SPATA20: variants seen among roughly 807,000 people sequenced by gnomAD.
SPATA20 encodes the protein spermatogenesis-associated protein 20.
In SPATA20, 74 loss-of-function variants were observed where a neutral mutation model predicts 98.9. That is an observed-to-expected ratio of 0.75 (90% CI 0.62 to 0.91). SPATA20 has a LOEUF of 0.91. Ranked by LOEUF, SPATA20 falls within the 40% of genes least tolerant of loss-of-function variation. The probability of loss-of-function intolerance (pLI) is 0.00; values close to 1 mark genes in which losing one functional copy is unlikely to be tolerated. For missense variants in SPATA20, 1,016 were observed against 1,069.8 expected (o/e 0.95, Z 0.70); for synonymous variants, 430 against 440.5 (o/e 0.98, Z 0.30).
chr17:50,549,445 G>A lies in SPATA20; in HGVS notation c.820G>A (p.Glu274Lys), dbSNP rs748919500. ...GCAGCTGGATGAGGGCTATGATGAGGAATACGGTGGCTTCGCTGAGGCCCC... is the reference window on the plus strand; with the variant it reads ...GCAGCTGGATGAGGGCTATGATGAGAAATACGGTGGCTTCGCTGAGGCCCC... The part of the protein sequence containing the change: ...FQQLDEGYDE[E>K]YGGFAEAPKF... The change falls in exon 7 of 17, where the codon GAA becomes AAA. Residue 274 changes from glutamate (E) to lysine (K), a missense_variant. Physicochemically the swap from Glu to Lys is moderately conservative, Grantham distance 56. Transcript: ENST00000006658. The A allele has an allele frequency of 1.7e-5, 27 of 1,612,430 alleles. No individual in the cohort carries two copies. In the South Asian group the frequency reaches 3.0e-4, roughly 18 times the overall value.
rs937059671 is a variant in SPATA20, at chr17:50,554,125, G to T, written c.1958-126G>T. 28 of 790,744 alleles carry T rather than the reference G, an allele frequency of 3.5e-5. No individual in the cohort carries two copies. The Admixed American group carries it at 5.2e-4, about 15-fold the overall frequency. 49.0% of individuals were successfully genotyped at this position (790,744 alleles called of 1,614,324 possible). A position where few individuals can be genotyped will look rare whatever the true frequency, so the allele number is the denominator to read the frequency against. On this transcript the variant is annotated intron_variant, in intron 14 of 16. Transcript: ENST00000006658. ...GGCATCCACACCCAGAGCGGGGAAG[G>T]GGCAGGATGGGCAGGGCCTTTTCTC...
At chr17:50,555,438 GGGCAGGTGACCCCACCCC>G (rs1293759543) in intron 16 of SPATA20, 36 bp from the exon 17 acceptor site, 1 of 1,607,796 alleles carries the variant, frequency 6.2e-7, no homozygotes, top group Admixed American at 1.7e-5. Context: ...CCTTTCTAAT[GGGCAGGTGACCCCACCCC>G]GGCAGGTGAC....
rs2035021830 is a variant in SPATA20 at position 50,551,876 on chromosome 17, G to A, written c.1746-93G>A. 4 of 1,298,062 alleles carry A rather than the reference G, an allele frequency of 3.1e-6. No homozygotes were observed. The East Asian group carries it at 7.6e-5, about 25-fold the overall frequency. 80.4% of individuals were successfully genotyped at this position (1,298,062 alleles called of 1,614,324 possible). A position where few individuals can be genotyped will look rare whatever the true frequency, so the allele number is the denominator to read the frequency against. On this transcript the variant is annotated intron_variant, in intron 13 of 16. Transcript: ENST00000006658. ...CTGCCCAAGAGGGTTCATCTGGAGG[G>A]TTAAGTGAACAAATGCGTGAAAGGG...
chr17:50,549,530 G>A, intron 7 of SPATA20, 43 bp downstream of exon 7: 1 of 1,579,480 alleles, frequency 6.3e-7, no homozygotes, highest in Non-Finnish European at 8.6e-7. Flanking sequence ...TTGGCCTTCT[G>A]ATTCCTATGC....
Position 50,555,690 on chromosome 17 carries a change from G to A in SPATA20, c.*28G>A. The stretch of plus-strand genomic sequence containing the variant: ...GCCCCAACCCCCTTGGGGTGGGGCA[G>A]AAGGTGAAGCATCCCAACTGACTAG... On this transcript the variant is annotated 3_prime_UTR_variant, in exon 17 of 17. Transcript: ENST00000006658. 6.3e-7 allele frequency: 1 copy of A among 1,598,174 alleles called. No homozygotes were observed. The highest frequency in any genetic ancestry group is 1.4e-5 in the African/African-American group (1 of 73,978).
In SPATA20 at chr17:50,554,398, C is replaced by T. The variant is rs1482249814; in HGVS notation, c.2105C>T (p.Ala702Val). The change falls in exon 15 of 17, where the codon GCG becomes GTG. Residue 702 changes from alanine to valine, a missense_variant. Ala to Val is a moderately conservative substitution (Grantham distance 64). Coordinates refer to ENST00000006658, the MANE Select transcript of SPATA20 (RefSeq NM_022827.4). ...FSERMRRVPV[A>V]LPEMVRALSA... ...GAGCGCATGCGTCGTGTCCCGGTGG[C>T]GTTGCCCGAGATGGTCCGCGCCCTC... 5.0e-6 allele frequency: 8 copies of T among 1,613,636 alleles called. No individual in the cohort carries two copies. Among genetic ancestry groups the T allele is most frequent in the East Asian group, 2.2e-5 (1 of 44,882 alleles).
In SPATA20 at chr17:50,551,004, A is replaced by C; in HGVS notation, c.1390A>C (p.Lys464Gln). The change falls in exon 12 of 17, where the codon AAG (lysine) becomes CAG (glutamine). Residue 464 changes from lysine to glutamine, a missense_variant. Lys to Gln is a moderately conservative substitution (Grantham distance 53). Coordinates refer to ENST00000006658, the MANE Select transcript of SPATA20 (RefSeq NM_022827.4). ...CAAAGGCCATTCTCCTCAGGACCCC[A>C]AGGGGGAGCTGCAGGGCCAGAATGT... ...AGNISPSQDP[K>Q]GELQGQNVLT... 6.2e-7 allele frequency: 1 copy of C among 1,613,240 alleles called. No individual in the cohort carries two copies. Among genetic ancestry groups the C allele is most frequent in the Non-Finnish European group, 8.5e-7 (1 of 1,179,942 alleles).
In SPATA20 at chr17:50,549,433, G is replaced by A. The variant is rs2034974346; in HGVS notation, c.808G>A (p.Gly270Ser). 2 of 1,612,702 alleles carry A rather than the reference G, an allele frequency of 1.2e-6. No homozygotes were observed. Among genetic ancestry groups the A allele is most frequent in the Non-Finnish European group, 1.7e-6 (2 of 1,180,006 alleles). ...TCGCTGCTTCCAGCAGCTGGATGAG[G>A]GCTATGATGAGGAATACGGTGGCTT... is the stretch of plus-strand genomic sequence containing the variant. ...NNRCFQQLDE[G>S]YDEEYGGFAE... Residue 270 changes from glycine (G) to serine (S), a missense_variant, in exon 7 of 17, where the codon GGC becomes AGC. By Grantham distance (56) the Gly-to-Ser change is moderately conservative (BLOSUM62 0). Coordinates refer to ENST00000006658, the MANE Select transcript of SPATA20 (RefSeq NM_022827.4).
intron 15 of SPATA20, among the ~76,000 whole-genome samples, chr17:50,555,021 T>C (rs771907213): frequency 1.3e-5 from 2 of 151,996 alleles, no homozygotes; most frequent in African/African-American, 4.8e-5. Flanking sequence ...ATTGTGTATA[T>C]GTATGACATT....
chr17:50,554,885 CTGTG>C (rs3062812), intron 15 of SPATA20, among the ~76,000 whole-genome samples: 6,937 of 141,260 alleles, frequency 0.049, 175 homozygotes, highest in Non-Finnish European at 0.066. Context: ...TGGGCATCTA[CTGTG>C]TGTGTGTGTG....
At position 50,548,901 on chromosome 17, in the gene SPATA20, G is replaced by A; in HGVS notation, c.453G>A (p.Val151=). 3 of 1,614,194 alleles carry A rather than the reference G, an allele frequency of 1.9e-6. No individual in the cohort carries two copies. Among genetic ancestry groups the A allele is most frequent in the Non-Finnish European group, 2.5e-6 (3 of 1,180,020 alleles). The stretch of plus-strand genomic sequence containing the variant: ...GCCGCCTGCTCAGTGAGGACTTTGT[G>A]AGTGTGAAGGTAGACCGTGAGGAGC... ...EIGRLLSEDF[V]SVKVDREERP... is the part of the protein sequence containing the mutation. The change falls in exon 5 of 17, where the codon GTG becomes GTA. Residue 151 remains valine (V), a synonymous_variant. Coordinates refer to ENST00000006658, the MANE Select transcript of SPATA20 (RefSeq NM_022827.4).
At position 50,552,009 on chromosome 17, in the gene SPATA20, G is replaced by A. The variant is rs142268700; in HGVS notation, c.1786G>A (p.Val596Met). The change falls in exon 14 of 17, where the codon GTG becomes ATG. Residue 596 changes from valine to methionine, a missense_variant. Val to Met is a conservative substitution (Grantham distance 21). Transcript: ENST00000006658. ...GGGCTTCCTGGAGGACTACGCCTTC[G>A]TGGTGCGGGGCCTGCTGGACCTGTA... ...CWGFLEDYAFVVRGLLDLYEA... is the reference protein window; with the variant it reads ...CWGFLEDYAFMVRGLLDLYEA... 9.7e-4 allele frequency: 1,560 copies of A among 1,612,556 alleles called. 11 individuals are homozygous for A. The East Asian group carries it at 0.018, about 19-fold the overall frequency.
chr17:50,551,280 C>T, intron 12 of SPATA20, 90 bp downstream of exon 12: 5 of 1,290,424 alleles, frequency 3.9e-6, no homozygotes, highest in Non-Finnish European at 5.3e-6. Context: ...TGCTCACTCT[C>T]CCTTGATTAG....
rs1236034652 is a variant in SPATA20, at chr17:50,555,778, T to G, written c.*116T>G. 1.1e-6 allele frequency: 1 copy of G among 905,236 alleles called. No homozygotes were observed. Among genetic ancestry groups the G allele is most frequent in the Non-Finnish European group, 1.6e-6 (1 of 609,908 alleles). 56.1% of individuals were successfully genotyped at this position (905,236 alleles called of 1,614,324 possible). ...CATCCCTGAGCACCCTGCCACCAGG[T>G]GACCTCGGCCATACTCACTGCCCCC... On this transcript the variant is annotated 3_prime_UTR_variant, in exon 17 of 17. Coordinates refer to ENST00000006658, the MANE Select transcript of SPATA20 (RefSeq NM_022827.4).
At chr17:50,555,142 G>A in intron 15 of SPATA20, 90 bp from the exon 16 acceptor site, 2 of 992,718 alleles carry the variant, frequency 2.0e-6, no homozygotes, top group Non-Finnish European at 3.2e-6. Flanking sequence ...GATATACGGT[G>A]GGGCGGAAGG....
rs1030558338 is a variant in SPATA20 at position 50,551,448 on chromosome 17, G to T, written c.1577-63G>T. ...GGAGGTGTTGGGGCCTAAGGTGATA[G>T]GGTGGACATGCCTGGAGGGTCCTGG... On this transcript the variant is annotated intron_variant, in intron 12 of 16. Transcript: ENST00000006658. The T allele has an allele frequency of 4.6e-6, 7 of 1,528,740 alleles. No homozygotes were observed. In the African/African-American group the frequency reaches 9.5e-5, roughly 21 times the overall value. 94.7% of individuals were successfully genotyped at this position (1,528,740 alleles called of 1,614,324 possible). A position where few individuals can be genotyped will look rare whatever the true frequency, so the allele number is the denominator to read the frequency against.
At chr17:50,553,124 T>C (rs963643481) in intron 14 of SPATA20, among the ~76,000 whole-genome samples, 4 of 152,230 alleles carry the variant, frequency 2.6e-5, no homozygotes, top group Non-Finnish European at 5.9e-5. Flanking sequence ...GCTCTATGTG[T>C]GCCTGCTCCC....
Position 50,555,624 on chromosome 17 carries a change from A to C in SPATA20, c.2371A>C (p.Thr791Pro). Residue 791 changes from threonine to proline, a missense_variant, in exon 17 of 17, where the codon ACT (threonine) becomes CCT (proline). Physicochemically the swap from Thr to Pro is conservative, Grantham distance 38. Coordinates refer to ENST00000006658, the MANE Select transcript of SPATA20 (RefSeq NM_022827.4). ...GAATCAAGCCTGCTCAGTGCCCATC[A>C]CTGATCCCTGCGAATTACGAAAACT... ...CENQACSVPI[T>P]DPCELRKLLH... is the part of the protein sequence containing the mutation. 1 of 1,613,938 alleles carries C rather than the reference A, an allele frequency of 6.2e-7. No homozygotes were observed. Among genetic ancestry groups the C allele is most frequent in the Non-Finnish European group, 8.5e-7 (1 of 1,179,930 alleles).
rs770970653 is a variant in SPATA20, at chr17:50,548,295, C to G, written c.138C>G (p.Ser46=). 9 of 1,613,478 alleles carry G rather than the reference C, an allele frequency of 5.6e-6. No individual in the cohort carries two copies. Among genetic ancestry groups the G allele is most frequent in the Non-Finnish European group, 7.6e-6 (9 of 1,179,812 alleles). Residue 46 remains serine (S), a synonymous_variant, in exon 3 of 17, where the codon TCC becomes TCG. Transcript: ENST00000006658. ...PHRSPSRGSS[S]RDKDRSATVS... ...CAGTCCTCGCCAGGGGTAGCTCCTC[C>G]CGGGACAAGGACCGAAGTGCGACGG...
Sources: allele counts gnomAD v4.1 joint callset (sites outside exome capture counted in the v4.1 genomes callset), GRCh38; gene constraint gnomAD v4.1.1; transcripts MANE v1.5; gene names NCBI Gene and HGNC (gene_info 2026-07-23, HGNC 2026-07-21).